The following MBD5 variants were observed in gnomAD, a reference collection of about 807,000 sequenced individuals.
MBD5 encodes methyl-CpG-binding domain protein 5.
MBD5 carries 13 observed loss-of-function variants against 117.3 expected under a neutral mutation model. The ratio of observed to expected loss-of-function variants is 0.11; its 90% CI spans 0.07 to 0.18. The LOEUF (loss-of-function observed/expected upper bound fraction) is 0.18. MBD5 is among the 10% of genes least tolerant of loss of function. The pLI, the probability that MBD5 is intolerant of heterozygous loss-of-function variation, is 1.00. For missense variants in MBD5, 1,879 were observed against 2,093.8 expected, an observed-to-expected ratio of 0.90 and a Z score of 2.00; for synonymous variants, 727 against 766.4, an observed-to-expected ratio of 0.95 and a Z score of 0.85.
At chr2:148,284,631 A>G (rs1017878207) in intron 3 of MBD5, among the ~76,000 whole-genome samples, 8 of 152,138 alleles carry the variant, frequency 5.3e-5, no homozygotes, top group Non-Finnish European at 1.2e-4. Flanking sequence ...GAGATAATGG[A>G]TGGGTCTTGT....
At chr2:148,434,685 AT>A (rs1259168224) in intron 4 of MBD5, among the ~76,000 whole-genome samples, 1 of 152,136 alleles carries the variant, frequency 6.6e-6, no homozygotes, top group African/African-American at 2.4e-5. Context: ...TGTGTGATCC[AT>A]TTTAGAGTAT....
At chr2:148,233,191 A>C (rs916862175) in intron 2 of MBD5, 54 bp from the exon 3 acceptor site, 2 of 152,234 alleles carry the variant, frequency 1.3e-5, no homozygotes, top group African/African-American at 4.8e-5. Flanking sequence ...AAGAATACAG[A>C]ATAACTGGAT....
At chr2:148,032,408 TGGA>T (rs1573931962) in intron 1 of MBD5, among the ~76,000 whole-genome samples, 1 of 152,132 alleles carries the variant, frequency 6.6e-6, no homozygotes, top group Admixed American at 6.6e-5. Context: ...AATTTTTTTT[TGGA>T]GGAAGTGTTT....
intron 3 of MBD5, among the ~76,000 whole-genome samples, chr2:148,243,303 ATAG>A (rs200362991): frequency 0.013 from 1,960 of 150,770 alleles, 36 homozygotes; most frequent in African/African-American, 0.044. Context: ...TGTAATCATA[ATAG>A]TAGCTCTGAG....
chr2:148,070,305 T>A (rs1366807850), intron 1 of MBD5, among the ~76,000 whole-genome samples: 1 of 152,238 alleles, frequency 6.6e-6, no homozygotes, highest in Non-Finnish European at 1.5e-5. Flanking sequence ...TGCCAAGTAG[T>A]ATTTTATCAT....
intron 2 of MBD5, among the ~76,000 whole-genome samples, chr2:148,185,310 CT>C (rs1272045155): frequency 1.3e-5 from 2 of 152,108 alleles, no homozygotes; most frequent in African/African-American, 4.8e-5. Flanking sequence ...TATTTCTTGG[CT>C]TTTTTTCTTT....
intron 1 of MBD5, among the ~76,000 whole-genome samples, chr2:148,051,139 T>G (rs1694688327): frequency 6.6e-6 from 1 of 152,168 alleles, no homozygotes; most frequent in Non-Finnish European, 1.5e-5. Flanking sequence ...CTTACACTTC[T>G]TGGCTAAATT....
chr2:148,112,934 G>A lies in MBD5; in HGVS notation c.-924-65766G>A, dbSNP rs902249937. On this transcript the variant is annotated intron_variant, in intron 1 of 13. Transcript: ENST00000642680. ...AGCTGAAGAAGGAGGATTGCGTGAA[G>A]CCAGGGGTTTGAGTTTGAGTTCGAG... Among the ~76,000 whole-genome samples, 7 of 152,250 alleles carry A rather than the reference G, an allele frequency of 4.6e-5. No homozygotes were observed. The East Asian group carries it at 1.4e-3, about 29-fold the overall frequency.
chr2:148,503,263 C>T (rs75109801), intron 12 of MBD5, among the ~76,000 whole-genome samples: 17,251 of 152,108 alleles, frequency 0.11, 1,226 homozygotes, highest in East Asian at 0.24. Flanking sequence ...ATCAAGCAAC[C>T]AAAAATTATA....
chr2:148,063,384 G>T (rs908138725), intron 1 of MBD5, among the ~76,000 whole-genome samples: 5 of 152,076 alleles, frequency 3.3e-5, no homozygotes, highest in African/African-American at 1.2e-4. Flanking sequence ...GATCGTTAGG[G>T]TTCTTTCCAG....
intron 1 of MBD5, among the ~76,000 whole-genome samples, chr2:148,168,087 A>AT (rs939544378): frequency 7.9e-5 from 12 of 152,032 alleles, no homozygotes; most frequent in African/African-American, 1.9e-4. Context: ...TTGTGAAAGT[A>AT]TTTTTTTCTT....
At chr2:148,318,670 A>G (rs537237586) in intron 3 of MBD5, among the ~76,000 whole-genome samples, 6 of 152,084 alleles carry the variant, frequency 3.9e-5, no homozygotes, top group Admixed American at 3.3e-4. Flanking sequence ...GCATATGGCT[A>G]TCCAATTTTC....
chr2:148,321,383 A>C (rs1249464022), intron 3 of MBD5, among the ~76,000 whole-genome samples: 1 of 152,180 alleles, frequency 6.6e-6, no homozygotes, highest in Non-Finnish European at 1.5e-5. Context: ...ATTCAAAGCC[A>C]TCCTGGGTCT....
At chr2:148,046,348 TG>T (rs1694534242) in intron 1 of MBD5, among the ~76,000 whole-genome samples, 1 of 152,212 alleles carries the variant, frequency 6.6e-6, no homozygotes, top group Admixed American at 6.5e-5. Flanking sequence ...TTCGAAGTTT[TG>T]TGATTGGTTG....
intron 1 of MBD5, among the ~76,000 whole-genome samples, chr2:148,142,761 G>A (rs1697349665): frequency 6.6e-6 from 1 of 152,118 alleles, no homozygotes; most frequent in African/African-American, 2.4e-5. Flanking sequence ...AGCTCTCCAG[G>A]AAACTAAGGA....
intron 1 of MBD5, chr2:148,055,875 T>G (rs537978413): frequency 6.6e-6 from 1 of 152,212 alleles, no homozygotes; most frequent in East Asian, 1.9e-4. Context: ...CCTTAATTGC[T>G]GTAAGTTTAG....
At chr2:148,447,190 A>AGAAG (rs1225190567) in intron 4 of MBD5, among the ~76,000 whole-genome samples, 234 of 9,890 alleles carry the variant, frequency 0.024, no homozygotes, top group Non-Finnish European at 0.21. Flanking sequence ...AAAGAAAGAA[A>AGAAG]GAAAGAAAGA....
chr2:148,102,725 CACACAGAG>C (rs1461808106), intron 1 of MBD5, among the ~76,000 whole-genome samples: 57 of 69,078 alleles, frequency 8.3e-4, no homozygotes, highest in Middle Eastern at 7.2e-3. Flanking sequence ...CACACACACA[CACACAGAG>C]AGAGAGAGAG....
chr2:148,472,458 G>C (rs962089119), intron 8 of MBD5: 2 of 152,036 alleles, frequency 1.3e-5, no homozygotes, highest in African/African-American at 4.8e-5. Flanking sequence ...AACGTGCATA[G>C]GTCTGATGTG....
Sources: allele counts gnomAD v4.1 joint callset (sites outside exome capture counted in the v4.1 genomes callset), GRCh38; gene constraint gnomAD v4.1.1; transcripts MANE v1.5; gene names NCBI Gene and HGNC (gene_info 2026-07-23, HGNC 2026-07-21).